The following LRP4 variants were observed in gnomAD, a reference collection of about 807,000 sequenced individuals.
LRP4 encodes the protein LDL receptor related protein 4.
In LRP4, 95 loss-of-function variants were observed where a neutral mutation model predicts 220.3. The observed-to-expected ratio is 0.43, with a 90% confidence interval of 0.37 to 0.51. The LOEUF (loss-of-function observed/expected upper bound fraction) is 0.51. Ranked by LOEUF, LRP4 falls within the 20% of genes least tolerant of loss-of-function variation. The pLI is 0.00. For missense variants in LRP4, 1,925 were observed against 2,567.0 expected (o/e 0.75, Z 5.40); for synonymous variants, 903 against 954.6 (o/e 0.95, Z 1.00).
chr11:46,908,654 G>T (rs1941801822), intron 1 of LRP4, among the ~76,000 whole-genome samples: 1 of 152,182 alleles, frequency 6.6e-6, no homozygotes, highest in South Asian at 2.1e-4. Context: ...CAAATATGCA[G>T]TGAGTTTATG....
rs980787014 is a variant in LRP4 at position 46,875,212 on chromosome 11, T to C, written c.3926-109A>G. The C allele has an allele frequency of 1.7e-6, 2 of 1,198,286 alleles. No homozygotes were observed. The highest frequency in any genetic ancestry group is 1.2e-6 in the Non-Finnish European group (1 of 836,712). The allele number at this position is 1,198,286 out of a possible 1,614,324, so 74.2% of individuals were successfully genotyped here. A position where few individuals can be genotyped will look rare whatever the true frequency, so the allele number is the denominator to read the frequency against. ...TCTTTGCTGTTCTAAGTGACAGGAT[T>C]CAGTGCCTGGCAGGGTGAGGTAGAA... On this transcript the variant is annotated intron_variant, in intron 27 of 37. Coordinates refer to ENST00000378623, the MANE Select transcript of LRP4 (RefSeq NM_002334.4). This position sits in a 1 kb window ranked among gnomAD's most constrained non-coding sequence, Gnocchi z 4.5.
At position 46,902,835 on chromosome 11, in the gene LRP4, C is replaced by T; in HGVS notation, c.147G>A (p.Trp49Ter). The change falls in exon 2 of 38, where the codon TGG (tryptophan) becomes TGA (stop). Residue 49 changes from tryptophan to a stop codon, truncating the protein, a stop_gained. Coordinates refer to ENST00000378623, the MANE Select transcript of LRP4 (RefSeq NM_002334.4). LOFTEE classifies it high-confidence loss of function. ...LGECTCIPAQ[W>*]QCDGDNDCGD... ...CGCAGTCATTGTCTCCATCACACTG[C>T]CACTGGGCAGGGATGCAGGTACACT... The T allele has an allele frequency of 6.2e-7, 1 of 1,614,158 alleles. No individual in the cohort carries two copies. The highest frequency in any genetic ancestry group is 8.5e-7 in the Non-Finnish European group (1 of 1,180,042).
intron 1 of LRP4, among the ~76,000 whole-genome samples, chr11:46,903,593 T>C (rs2134871307): frequency 6.6e-6 from 1 of 152,306 alleles, no homozygotes; most frequent in South Asian, 2.1e-4. Context: ...AAGGGTGATG[T>C]TGAGAGGCCT....
At chr11:46,909,072 G>A (rs904995164) in intron 1 of LRP4, among the ~76,000 whole-genome samples, 15 of 152,026 alleles carry the variant, frequency 9.9e-5, no homozygotes, top group African/African-American at 1.2e-4. Flanking sequence ...TAAGCTTTCC[G>A]GGTGACACCG....
Position 46,889,924 on chromosome 11 carries a change from C to T in LRP4, c.2092+20G>A. 6.2e-7 allele frequency: 1 copy of T among 1,614,122 alleles called. No homozygotes were observed. ...TCAACCATGAGGCTACTTTGGCTCA[C>T]CCGGTGGGCAGTTTTTTACCTGCAG... On this transcript the variant is annotated intron_variant, in intron 15 of 37. Coordinates refer to ENST00000378623, the MANE Select transcript of LRP4 (RefSeq NM_002334.4).
intron 9 of LRP4, 28 bp downstream of exon 9, chr11:46,896,182 G>A (rs373931459): frequency 7.4e-6 from 12 of 1,612,864 alleles, no homozygotes; most frequent in Non-Finnish European, 9.3e-6. Context: ...CAAACCATGG[G>A]CCAGGTCCGC....
rs530809658 is a variant in LRP4 at position 46,911,735 on chromosome 11, C to G, written c.52+6593G>C. 1.4e-4 allele frequency among the ~76,000 whole-genome samples: 22 copies of G among 152,050 alleles called. No homozygotes were observed. The East Asian group carries it at 2.5e-3, about 17-fold the overall frequency. On this transcript the variant is annotated intron_variant, in intron 1 of 37. Coordinates refer to ENST00000378623, the MANE Select transcript of LRP4 (RefSeq NM_002334.4). ...ATCCAAGATGAAATATAGACCTTCC[C>G]AACCTAGATCTTCTGGGATAGCCTG...
chr11:46,914,325 C>T (rs190242168), intron 1 of LRP4, among the ~76,000 whole-genome samples: 7 of 152,222 alleles, frequency 4.6e-5, no homozygotes, highest in Admixed American at 3.3e-4. Flanking sequence ...TGCTGAGCTT[C>T]GTATACAGTG....
chr11:46,896,122 A>G (rs989938837), intron 9 of LRP4, 88 bp downstream of exon 9: 58 of 1,610,952 alleles, frequency 3.6e-5, no homozygotes, highest in Non-Finnish European at 4.9e-5. Flanking sequence ...CAAAGCTGCA[A>G]GAGTCCTGAG....
At position 46,860,939 on chromosome 11, in the gene LRP4, G is replaced by A. The variant is rs191360215; in HGVS notation, c.5386-1624C>T. 56 of 985,094 alleles carry A rather than the reference G, an allele frequency of 5.7e-5. No individual in the cohort carries two copies. The Admixed American group carries it at 1.4e-3, about 25-fold the overall frequency. The allele number at this position is 985,094 out of a possible 1,614,324, so 61.0% of individuals were successfully genotyped here. A position where few individuals can be genotyped will look rare whatever the true frequency, so the allele number is the denominator to read the frequency against. ...CACAGCAACAGGTACCTGAAATCAA[G>A]AGGAAATCAGAAGAGAAAAGGTGAA... On this transcript the variant is annotated intron_variant, in intron 37 of 37. Transcript: ENST00000378623.
At position 46,898,673 on chromosome 11, in the gene LRP4, G is replaced by A. The variant is rs994031022; in HGVS notation, c.681C>T (p.Ser227=). The A allele has an allele frequency of 1.2e-6, 2 of 1,613,924 alleles. No individual in the cohort carries two copies. The highest frequency in any genetic ancestry group is 2.7e-5 in the African/African-American group (2 of 74,932). The change falls in exon 7 of 38, where the codon TCC becomes TCT. Residue 227 remains serine (S), a synonymous_variant. Coordinates refer to ENST00000378623, the MANE Select transcript of LRP4 (RefSeq NM_002334.4). ...GDWSDESDCS[S]HQPCRSGEFM... is the part of the protein sequence containing the mutation. ...ACTCCCCAGAGCGGCAGGGCTGGTGGGAGGCTAGGGAAACACAAGACTTCT... is the reference window on the plus strand; with the variant it reads ...ACTCCCCAGAGCGGCAGGGCTGGTGAGAGGCTAGGGAAACACAAGACTTCT...
intron 25 of LRP4, 128 bp from the exon 26 acceptor site, chr11:46,876,094 A>G (rs941959575): frequency 1.8e-5 from 19 of 1,033,366 alleles, no homozygotes; most frequent in Non-Finnish European, 2.8e-5. Flanking sequence ...TTTGCTTGAC[A>G]AAGTACTTTG....
At chr11:46,912,318 A>G (rs1941873802) in intron 1 of LRP4, among the ~76,000 whole-genome samples, 1 of 152,254 alleles carries the variant, frequency 6.6e-6, no homozygotes, top group Non-Finnish European at 1.5e-5. Context: ...CACATATCCC[A>G]ATTTGTAAAT....
intron 19 of LRP4, among the ~76,000 whole-genome samples, chr11:46,883,078 G>C (rs1052767993): frequency 6.6e-6 from 1 of 152,176 alleles, no homozygotes; most frequent in Non-Finnish European, 1.5e-5. Flanking sequence ...TGAGATCACA[G>C]AGAATTTTTA....
At chr11:46,860,875 G>T in intron 37 of LRP4, 1 of 741,712 alleles carries the variant, frequency 1.3e-6, no homozygotes, top group Non-Finnish European at 1.6e-6. Flanking sequence ...GGGGGATATG[G>T]CACTTGCAAT....
chr11:46,907,596 GGCCCAAGACAATCCTTCTTCCAGTGTA>G (rs1327963025), intron 1 of LRP4, among the ~76,000 whole-genome samples: 1 of 152,120 alleles, frequency 6.6e-6, no homozygotes, highest in Non-Finnish European at 1.5e-5. Context: ...TTTTATGTGT[GGCCCAAGACAATCCTTCTTCCAGTGTA>G]GCCCAGGGAA....
chr11:46,882,533 G>C (rs1485697592), intron 19 of LRP4, among the ~76,000 whole-genome samples: 1 of 151,816 alleles, frequency 6.6e-6, no homozygotes, highest in Admixed American at 6.6e-5. Context: ...GGTTAAATAA[G>C]TTAACAGAAC....
At chr11:46,898,320 G>A (rs1296057931) in intron 7 of LRP4, among the ~76,000 whole-genome samples, 1 of 152,208 alleles carries the variant, frequency 6.6e-6, no homozygotes, top group Non-Finnish European at 1.5e-5. Flanking sequence ...CGAGTAGCTG[G>A]GATTACAGGC....
chr11:46,890,298 G>A lies in LRP4; in HGVS notation c.1894C>T (p.Arg632Cys), dbSNP rs1941393359. The change falls in exon 14 of 38, where the codon CGT becomes TGT. Residue 632 changes from arginine to cysteine, a missense_variant. Physicochemically the swap from Arg to Cys is radical, Grantham distance 180. Transcript: ENST00000378623. The surrounding 1 kb of genome is among the most constrained non-coding windows in gnomAD (Gnocchi z 5.3). ...TCACCCTGGCTAATGACAGCCTTAC[G>A]GTGACTCCCATCCAGATTGGCCCTC... is the stretch of plus-strand genomic sequence containing the variant. ...IERANLDGSH[R>C]KAVISQGLPH... 3 of 1,614,098 alleles carry A rather than the reference G, an allele frequency of 1.9e-6. No homozygotes were observed. Among genetic ancestry groups the A allele is most frequent in the Non-Finnish European group, 1.7e-6 (2 of 1,180,010 alleles).
Sources: gnomAD v4.1 joint callset for allele counts (sites outside exome capture counted in the v4.1 genomes callset) on GRCh38, gnomAD v4.1.1 for gene constraint, Gnocchi (gnomAD v3.1) non-coding constraint, MANE v1.5 for transcripts, NCBI Gene and HGNC (gene_info 2026-07-23, HGNC 2026-07-21) for gene names.